EFCAB13: variants seen among roughly 807,000 people sequenced by gnomAD.
The protein encoded by EFCAB13 is EF-hand calcium binding domain 13.
In EFCAB13, 91 loss-of-function variants were observed where a neutral mutation model predicts 110.2. The observed-to-expected ratio is 0.83, with a 90% CI of 0.70 to 0.98. The LOEUF is 0.98. Ranked by LOEUF, EFCAB13 falls within the 50% of genes least tolerant of loss-of-function variation. EFCAB13 has a pLI of 0.00. For missense variants in EFCAB13, 968 were observed against 1,119.4 expected, an observed-to-expected ratio of 0.86 and a Z score of 1.93; for synonymous variants, 323 against 369.9, an observed-to-expected ratio of 0.87 and a Z score of 1.45.
intron 10 of EFCAB13, among the ~76,000 whole-genome samples, chr17:47,362,985 C>T (rs1410630301): frequency 6.6e-6 from 1 of 152,182 alleles, no homozygotes; most frequent in Non-Finnish European, 1.5e-5. Context: ...TTTCTTTTAT[C>T]TCTTTGTCTT....
At chr17:47,330,752 A>ATAAACATATATGTGTAGG (rs1428095136) in intron 4 of EFCAB13, among the ~76,000 whole-genome samples, 1 of 152,018 alleles carries the variant, frequency 6.6e-6, no homozygotes, top group Non-Finnish European at 1.5e-5. Flanking sequence ...TTGTGCTGAG[A>ATAAACATATATGTGTAGG]TAAACATATA....
At chr17:47,326,447 C>A (rs1216242716) in intron 3 of EFCAB13, 60 bp downstream of exon 3, 1 of 152,166 alleles carries the variant, frequency 6.6e-6, no homozygotes, top group Non-Finnish European at 1.5e-5. Flanking sequence ...CTCTTTTCCC[C>A]TCCCTCCATA....
At chr17:47,404,475 A>T in intron 19 of EFCAB13, 87 bp from the exon 20 acceptor site, 1 of 970,144 alleles carries the variant, frequency 1.0e-6, no homozygotes, top group Non-Finnish European at 1.6e-6. Flanking sequence ...CGAGAAATAT[A>T]TAAGTCATAT....
chr17:47,344,710 TATA>T (rs1388105906), intron 7 of EFCAB13, among the ~76,000 whole-genome samples: 3 of 152,172 alleles, frequency 2.0e-5, no homozygotes, highest in Non-Finnish European at 4.4e-5. Flanking sequence ...TTTGCTTTAT[TATA>T]ATAACTTTCT....
At chr17:47,426,860 C>CT (rs1904979586) in intron 23 of EFCAB13, among the ~76,000 whole-genome samples, 2 of 152,156 alleles carry the variant, frequency 1.3e-5, no homozygotes, top group East Asian at 1.9e-4. Context: ...TCAAAAGTCT[C>CT]TAAGTTCAGT....
At chr17:47,381,324 GTT>G (rs920813297) in intron 14 of EFCAB13, among the ~76,000 whole-genome samples, 1 of 152,036 alleles carries the variant, frequency 6.6e-6, no homozygotes, top group Non-Finnish European at 1.5e-5. Flanking sequence ...TCTGATGATA[GTT>G]TCTTTTGCGT....
rs1005637601 is a variant in EFCAB13 at position 47,351,298 on chromosome 17, TGTGTGTGCGCGC to T, written c.661+3349_661+3360del. ...ATTCCACTGTGTGTGTGTGTGTGTG[TGTGTGTGCGCGC>T]GCGCGCGCGCGCGCGCGCCACGTTT... On this transcript the variant is annotated intron_variant, in intron 9 of 24. Transcript: ENST00000331493. Among the ~76,000 whole-genome samples the T allele has an allele frequency of 1.2e-4, 16 of 130,440 alleles. 1 individual carries two copies. Among genetic ancestry groups the T allele is most frequent in the Admixed American group, 3.8e-4 (5 of 13,294 alleles). 85.6% of individuals were successfully genotyped at this position (130,440 alleles called of 152,430 possible). A position where few individuals can be genotyped will look rare whatever the true frequency, so the allele number is the denominator to read the frequency against.
chr17:47,338,087 A>G (rs2065361508), intron 5 of EFCAB13, among the ~76,000 whole-genome samples: 1 of 152,158 alleles, frequency 6.6e-6, no homozygotes, highest in South Asian at 2.1e-4. Context: ...TGAAAGATCA[A>G]AAGTCATGTA....
chr17:47,335,285 C>T lies in EFCAB13; in HGVS notation c.120C>T (p.Ile40=), dbSNP rs1301242426. The change falls in exon 5 of 25, where the codon ATC becomes ATT. Residue 40 remains isoleucine, a synonymous_variant. Transcript: ENST00000331493. ...GAACTATTAACCACAAGAAATACAT[C>T]AAGTTTTCTAAAACAATAGAGAAGG... ...SSGTINHKKY[I]KFSKTIEKEI... The T allele has an allele frequency of 1.9e-6, 3 of 1,610,792 alleles. No homozygotes were observed. The African/African-American group carries it at 4.0e-5, about 22-fold the overall frequency.
intron 5 of EFCAB13, among the ~76,000 whole-genome samples, chr17:47,340,624 A>T (rs890541481): frequency 2.6e-5 from 4 of 151,960 alleles, no homozygotes; most frequent in African/African-American, 9.7e-5. Context: ...TATTTTTGAG[A>T]CAGAGTCTTG....
intron 9 of EFCAB13, among the ~76,000 whole-genome samples, chr17:47,354,201 G>A (rs2065468265): frequency 6.6e-6 from 1 of 152,042 alleles, no homozygotes; most frequent in South Asian, 2.1e-4. Context: ...GGTTCCTTTT[G>A]GAGTTGATTT....
chr17:47,440,385 G>T (rs766617830), intron 24 of EFCAB13, 46 bp from the exon 25 acceptor site: 15 of 1,486,258 alleles, frequency 1.0e-5, no homozygotes, highest in Non-Finnish European at 1.3e-5. Context: ...ATTTAATTCT[G>T]AAACAATAAT....
chr17:47,419,059 T>C (rs188201699), intron 23 of EFCAB13, among the ~76,000 whole-genome samples: 6 of 152,298 alleles, frequency 3.9e-5, no homozygotes, highest in Non-Finnish European at 8.8e-5. Flanking sequence ...TGAAGTAGCT[T>C]GTATTTTATA....
At chr17:47,353,949 T>G (rs1339188006) in intron 9 of EFCAB13, among the ~76,000 whole-genome samples, 2 of 152,184 alleles carry the variant, frequency 1.3e-5, no homozygotes, top group Non-Finnish European at 2.9e-5. Context: ...GTTTCTCTAG[T>G]ACCTTGAGGT....
At chr17:47,377,065 G>A (rs1275706060) in intron 12 of EFCAB13, among the ~76,000 whole-genome samples, 1 of 152,154 alleles carries the variant, frequency 6.6e-6, no homozygotes, top group Non-Finnish European at 1.5e-5. Context: ...ACATGGTAGA[G>A]TAAATTAATG....
rs1176609305 is a variant in EFCAB13 at position 47,403,464 on chromosome 17, G to T, written c.2018-414G>T. Among the ~76,000 whole-genome samples, 8 of 152,102 alleles carry T rather than the reference G, an allele frequency of 5.3e-5. 1 individual carries two copies. On this transcript the variant is annotated intron_variant, in intron 18 of 24. Coordinates refer to ENST00000331493, the MANE Select transcript of EFCAB13 (RefSeq NM_152347.5). ...CATTCCAGACACTAGGGTACAATTG[G>T]GTCCTGGTGGAACTGAAAAGGAAAA...
At chr17:47,361,574 T>C (rs1716644580) in intron 10 of EFCAB13, 53 bp downstream of exon 10, 3 of 1,460,574 alleles carry the variant, frequency 2.1e-6, no homozygotes, top group Non-Finnish European at 2.8e-6. Context: ...CATATATTTA[T>C]ACATTTTTTT....
intron 14 of EFCAB13, among the ~76,000 whole-genome samples, chr17:47,390,695 A>G (rs2065701704): frequency 6.6e-6 from 1 of 152,186 alleles, no homozygotes; most frequent in African/African-American, 2.4e-5. Flanking sequence ...AAATTATCCA[A>G]GTTTATCATT....
intron 23 of EFCAB13, among the ~76,000 whole-genome samples, chr17:47,420,647 T>TGG (rs1904640510): frequency 6.7e-6 from 1 of 149,232 alleles, no homozygotes; most frequent in Admixed American, 6.7e-5. Context: ...CGACCCCGTG[T>TGG]GGGAGGTGAG....
Sources: gnomAD v4.1 joint callset for allele counts (sites outside exome capture counted in the v4.1 genomes callset) on GRCh38, gnomAD v4.1.1 for gene constraint, MANE v1.5 for transcripts, NCBI Gene and HGNC (gene_info 2026-07-23, HGNC 2026-07-21) for gene names.